The following MED13L variants were observed in gnomAD, a reference collection of about 807,000 sequenced individuals.
The protein encoded by MED13L is mediator complex subunit 13L, also known as mediator of RNA polymerase II transcription subunit 13-like.
In MED13L, 7 loss-of-function variants were observed where a neutral mutation model predicts 220.9. The observed-to-expected ratio is 0.03, with a 90% CI of 0.02 to 0.06. The LOEUF (loss-of-function observed/expected upper bound fraction) is 0.06. MED13L is among the 10% of genes least tolerant of loss of function. MED13L has a pLI of 1.00. For synonymous variants in MED13L, 1,011 were observed against 1,015.2 expected (o/e 1.00, Z 0.08); for missense variants, 1,965 against 2,760.5 (o/e 0.71, Z 6.46).
chr12:116,212,539 A>G (rs1322053825), intron 2 of MED13L, among the ~76,000 whole-genome samples: 1 of 152,156 alleles, frequency 6.6e-6, no homozygotes, highest in African/African-American at 2.4e-5. Context: ...TTTTAAGCCC[A>G]AACAATTACA....
chr12:116,259,753 A>G (rs1872360566), intron 1 of MED13L, among the ~76,000 whole-genome samples: 1 of 152,216 alleles, frequency 6.6e-6, no homozygotes, highest in African/African-American at 2.4e-5. Context: ...AATAATACAA[A>G]TTAAACCTCT....
chr12:115,981,004 ACAAG>A, intron 22 of MED13L, 66 bp from the exon 23 acceptor site: 1 of 1,389,156 alleles, frequency 7.2e-7, no homozygotes, highest in East Asian at 2.3e-5. Context: ...TAACACACTA[ACAAG>A]CAAGCTGAAA....
At chr12:116,202,465 A>G (rs1882061244) in intron 2 of MED13L, among the ~76,000 whole-genome samples, 1 of 152,224 alleles carries the variant, frequency 6.6e-6, no homozygotes, top group Non-Finnish European at 1.5e-5. Context: ...AATGTCATCA[A>G]CTTGAGAAAT....
intron 4 of MED13L, among the ~76,000 whole-genome samples, chr12:116,036,401 T>C (rs1881197819): frequency 6.6e-6 from 1 of 152,228 alleles, no homozygotes; most frequent in Admixed American, 6.5e-5. Context: ...AGGACTTGTA[T>C]AAATGCAAAA....
chr12:116,138,031 T>G (rs1425083097), intron 2 of MED13L, among the ~76,000 whole-genome samples: 3 of 151,988 alleles, frequency 2.0e-5, no homozygotes, highest in Admixed American at 2.0e-4. Context: ...TAATTTTGTA[T>G]TTTTAGTAGA....
At chr12:116,219,950 C>G (rs1187234137) in intron 2 of MED13L, among the ~76,000 whole-genome samples, 1 of 152,072 alleles carries the variant, frequency 6.6e-6, no homozygotes, top group Non-Finnish European at 1.5e-5. Flanking sequence ...GTGCGCACCA[C>G]CATGCCCAGC....
intron 2 of MED13L, among the ~76,000 whole-genome samples, chr12:116,217,367 A>AT (rs1414297520): frequency 1.3e-5 from 2 of 152,172 alleles, no homozygotes; most frequent in African/African-American, 4.8e-5. Context: ...GACTAAGTAC[A>AT]TTTTTTTAAA....
chr12:116,276,356 A>T (rs1257334177), intron 1 of MED13L: 24 of 463,870 alleles, frequency 5.2e-5, no homozygotes, highest in Non-Finnish European at 7.7e-5. Flanking sequence ...GTGTGTGCGG[A>T]TTCGTTGTTA....
intron 4 of MED13L, among the ~76,000 whole-genome samples, chr12:116,050,623 A>G (rs904439945): frequency 2.0e-5 from 3 of 152,158 alleles, no homozygotes; most frequent in Non-Finnish European, 4.4e-5. Flanking sequence ...AAGAGTCTCT[A>G]ATTTAAGTGT....
chr12:116,024,356 T>C (rs763335976), intron 4 of MED13L, among the ~76,000 whole-genome samples: 2 of 152,142 alleles, frequency 1.3e-5, no homozygotes, highest in Non-Finnish European at 2.9e-5. Context: ...CAAAATGCCA[T>C]AGAAAGGCTA....
intron 2 of MED13L, among the ~76,000 whole-genome samples, chr12:116,128,839 T>C (rs1475183887): frequency 2.0e-5 from 3 of 152,204 alleles, no homozygotes; most frequent in Non-Finnish European, 4.4e-5. Flanking sequence ...GTGTTCCATG[T>C]TCCATTCTAT....
chr12:116,097,787 C>T lies in MED13L; in HGVS notation c.396-1035G>A, dbSNP rs566929701. Among the ~76,000 whole-genome samples, 3 of 152,210 alleles carry T rather than the reference C, an allele frequency of 2.0e-5. No individual in the cohort carries two copies. The East Asian group carries it at 5.8e-4, about 29-fold the overall frequency. The stretch of plus-strand genomic sequence containing the variant: ...GAAGACATGTTAAATGGCAAGTGAA[C>T]CCAACTCTTGTAACAACAATAACAT... On this transcript the variant is annotated intron_variant, in intron 3 of 30. Transcript: ENST00000281928.
At chr12:116,263,861 A>G (rs547363246) in intron 1 of MED13L, among the ~76,000 whole-genome samples, 27 of 152,278 alleles carry the variant, frequency 1.8e-4, no homozygotes, top group African/African-American at 6.5e-4. Flanking sequence ...ATTGGTCCCA[A>G]TATCCTGTCT....
At chr12:115,984,824 C>T (rs143781456) in intron 19 of MED13L, among the ~76,000 whole-genome samples, 6 of 151,734 alleles carry the variant, frequency 4.0e-5, no homozygotes, top group Non-Finnish European at 5.9e-5. Flanking sequence ...ATTTGGAGAT[C>T]ACCAATAGCA....
chr12:115,966,001 A>C, intron 29 of MED13L, 81 bp downstream of exon 29: 1 of 1,530,620 alleles, frequency 6.5e-7, no homozygotes, highest in Non-Finnish European at 9.0e-7. Flanking sequence ...ATGGTGACTA[A>C]AACTGAAATT....
Position 116,031,756 on chromosome 12 carries a change from A to AAAAG in MED13L, c.480-9159_480-9156dup, listed in dbSNP as rs1566020902. 2.3e-3 allele frequency among the ~76,000 whole-genome samples: 51 copies of AAAAG among 21,806 alleles called. 1 individual carries two copies. The highest frequency in any genetic ancestry group is 2.9e-3 in the African/African-American group (16 of 5,600). The allele number at this position is 21,806 out of a possible 152,430, so 14.3% of individuals were successfully genotyped here. A position where few individuals can be genotyped will look rare whatever the true frequency, so the allele number is the denominator to read the frequency against. Reference sequence around the variant, plus strand: ...AAAAGAAAAGAAAAGAAAAGAAAAGAAAAGAAGGAAGGAAGGAAGGAAGGA... The same window carrying AAAAG: ...AAAAGAAAAGAAAAGAAAAGAAAAGAAAAGAAAGAAGGAAGGAAGGAAGGAAGGA... On this transcript the variant is annotated intron_variant, in intron 4 of 30. Coordinates refer to ENST00000281928, the MANE Select transcript of MED13L (RefSeq NM_015335.5).
At chr12:116,243,084 A>G (rs898484685) in intron 1 of MED13L, among the ~76,000 whole-genome samples, 3 of 152,236 alleles carry the variant, frequency 2.0e-5, no homozygotes, top group African/African-American at 7.2e-5. Flanking sequence ...TTTCACTCAG[A>G]TAATTATATG....
rs1460800045 is a variant in MED13L at position 116,277,489 on chromosome 12, G to A, written c.-358C>T. On this transcript the variant is annotated 5_prime_UTR_variant, in exon 1 of 31. Coordinates refer to ENST00000281928, the MANE Select transcript of MED13L (RefSeq NM_015335.5). ...GGCCCCCGCCGGCGCGCGAGGGGAGGCGAGCCCCGGAGCCGCCGCCGCCGC... is the reference window on the plus strand; with the variant it reads ...GGCCCCCGCCGGCGCGCGAGGGGAGACGAGCCCCGGAGCCGCCGCCGCCGC... Among the ~76,000 whole-genome samples the A allele has an allele frequency of 6.7e-5, 10 of 148,444 alleles. No homozygotes were observed. The East Asian group carries it at 1.0e-3, about 15-fold the overall frequency.
At chr12:116,162,199 T>C (rs1402403482) in intron 2 of MED13L, among the ~76,000 whole-genome samples, 1 of 145,966 alleles carries the variant, frequency 6.9e-6, no homozygotes, top group Non-Finnish European at 1.5e-5. Context: ...GCTTTAACCC[T>C]TATAAAAAAA....
Sources: allele counts gnomAD v4.1 joint callset (sites outside exome capture counted in the v4.1 genomes callset), GRCh38; gene constraint gnomAD v4.1.1; transcripts MANE v1.5; gene names NCBI Gene and HGNC (gene_info 2026-07-23, HGNC 2026-07-21).